Variants in LRIG1 observed in about 807,000 individuals in gnomAD.
LRIG1 encodes the protein leucine-rich repeats and immunoglobulin-like domains protein 1.
A neutral mutation model predicts 99.2 loss-of-function variants in LRIG1; 48 were observed. The observed-to-expected ratio is 0.48, with a 90% CI of 0.38 to 0.62. LRIG1 has a LOEUF of 0.62. LRIG1 is among the 20% of genes least tolerant of loss of function. LRIG1 has a pLI of 0.00. For missense variants in LRIG1, 1,646 were observed against 1,434.4 expected, an observed-to-expected ratio of 1.15 and a Z score of -2.38; for synonymous variants, 772 against 596.1, an observed-to-expected ratio of 1.29 and a Z score of -4.30.
chr3:66,421,362 G>C (rs1334325399), intron 3 of LRIG1, among the ~76,000 whole-genome samples: 1 of 152,190 alleles, frequency 6.6e-6, no homozygotes, highest in Admixed American at 6.5e-5. Context: ...TCAAAAGCAA[G>C]CTAGTTACTT....
At chr3:66,388,045 T>C (rs891340800) in intron 12 of LRIG1, 1 of 140,428 alleles carries the variant, frequency 7.1e-6, no homozygotes, top group African/African-American at 2.8e-5. Flanking sequence ...AGGCGGAGCT[T>C]GCAGTGAGCC....
intron 10 of LRIG1, 62 bp downstream of exon 10, chr3:66,398,908 G>C: frequency 7.2e-7 from 1 of 1,396,594 alleles, no homozygotes; most frequent in Non-Finnish European, 1.0e-6. Context: ...ATTGCTAGCA[G>C]AACTCCCCGG....
rs533121709 is a variant in LRIG1 at position 66,382,758 on chromosome 3, G to A, written c.2491+224C>T. 2.2e-3 allele frequency among the ~76,000 whole-genome samples: 337 copies of A among 152,316 alleles called. 3 individuals carry two copies. Among genetic ancestry groups the A allele is most frequent in the African/African-American group, 7.5e-3 (313 of 41,580 alleles). ...AAGGAGAGGGAAAACTGCATGGTGC[G>A]TCAGTTACTTGTATTTGTGAGTATT... On this transcript the variant is annotated intron_variant, in intron 15 of 18. Coordinates refer to ENST00000273261, the MANE Select transcript of LRIG1 (RefSeq NM_015541.3).
intron 1 of LRIG1, chr3:66,498,271 A>G (rs1378089507): frequency 1.3e-5 from 2 of 152,168 alleles, no homozygotes; most frequent in Non-Finnish European, 2.9e-5. Flanking sequence ...TGAGTAAAAG[A>G]GAAGGACTTC....
At chr3:66,444,583 G>A (rs759145643) in intron 3 of LRIG1, among the ~76,000 whole-genome samples, 2 of 152,222 alleles carry the variant, frequency 1.3e-5, no homozygotes, top group Non-Finnish European at 2.9e-5. Flanking sequence ...CACCTGGCCA[G>A]CAGCAGTGGC....
intron 9 of LRIG1, 25 bp downstream of exon 9, chr3:66,405,173 G>A (rs760384446): frequency 1.5e-5 from 24 of 1,608,876 alleles, no homozygotes; most frequent in East Asian, 2.2e-5. Context: ...ATTTGCCGGC[G>A]GAGCTCCGTG....
At chr3:66,453,675 A>ACT (rs1233416572) in intron 2 of LRIG1, among the ~76,000 whole-genome samples, 3 of 152,196 alleles carry the variant, frequency 2.0e-5, no homozygotes, top group African/African-American at 7.2e-5. Context: ...ATGCTACTAG[A>ACT]GAGGACATGG....
In LRIG1 at chr3:66,380,688, T is replaced by C; in HGVS notation, c.2944A>G (p.Arg982Gly). The change falls in exon 18 of 19, where the codon AGG becomes GGG. Residue 982 changes from arginine to glycine, a missense_variant. By Grantham distance (125) the Arg-to-Gly change is moderately radical (BLOSUM62 -2). Transcript: ENST00000273261. ...TCGGGGCAGGACCCAGCGGCAGTCC[T>C]GCTGCACTGGTGATGTGGAGAATGC... is the stretch of plus-strand genomic sequence containing the variant. ...QEHSPHHQCS[R>G]TAAGSCPECQ... The C allele has an allele frequency of 6.2e-7, 1 of 1,614,220 alleles. No homozygotes were observed. The highest frequency in any genetic ancestry group is 2.2e-5 in the East Asian group (1 of 44,882).
intron 9 of LRIG1, among the ~76,000 whole-genome samples, chr3:66,404,818 C>T (rs1224843960): frequency 6.6e-6 from 1 of 152,164 alleles, no homozygotes; most frequent in African/African-American, 2.4e-5. Flanking sequence ...GGAGCCCCAC[C>T]GCCCTCACAC....
chr3:66,441,326 TC>T (rs1327083502), intron 3 of LRIG1, among the ~76,000 whole-genome samples: 11 of 152,172 alleles, frequency 7.2e-5, no homozygotes, highest in Non-Finnish European at 1.5e-4. Flanking sequence ...AGTGATGTCT[TC>T]GGGGGCAGAT....
intron 11 of LRIG1, among the ~76,000 whole-genome samples, 159 bp downstream of exon 11, chr3:66,397,953 G>A (rs1010867253): frequency 2.6e-5 from 4 of 152,228 alleles, no homozygotes; most frequent in African/African-American, 9.6e-5. Flanking sequence ...CTGCTGCAAT[G>A]ATGCAATCAA....
intron 1 of LRIG1, among the ~76,000 whole-genome samples, chr3:66,496,657 G>T (rs1701234338): frequency 6.6e-6 from 1 of 152,116 alleles, no homozygotes; most frequent in Admixed American, 6.5e-5. Flanking sequence ...CAAATCGGAA[G>T]ACTTTTGTTT....
intron 11 of LRIG1, among the ~76,000 whole-genome samples, chr3:66,395,928 G>C (rs1701831288): frequency 6.6e-6 from 1 of 152,272 alleles, no homozygotes; most frequent in African/African-American, 2.4e-5. Context: ...CGAAAGCCTA[G>C]GAGAGAAGGC....
intron 2 of LRIG1, among the ~76,000 whole-genome samples, chr3:66,458,847 T>C (rs1700289262): frequency 6.6e-6 from 1 of 151,880 alleles, no homozygotes; most frequent in African/African-American, 2.4e-5. Context: ...TGAAATCTCA[T>C]CTCTATCTAA....
chr3:66,408,958 GT>G (rs1275884256), intron 7 of LRIG1, among the ~76,000 whole-genome samples: 66 of 125,814 alleles, frequency 5.2e-4, no homozygotes, highest in African/African-American at 9.5e-4. Context: ...GTGTGTGTGT[GT>G]GTGGTGGGGG....
chr3:66,430,523 C>T (rs1388961637), intron 3 of LRIG1, among the ~76,000 whole-genome samples: 1 of 152,214 alleles, frequency 6.6e-6, no homozygotes, highest in South Asian at 2.1e-4. Flanking sequence ...CCCATCCACA[C>T]GCCTCCCCTG....
chr3:66,383,095 A>G lies in LRIG1; in HGVS notation c.2378T>C (p.Val793Ala). 2 of 1,614,234 alleles carry G rather than the reference A, an allele frequency of 1.2e-6. No homozygotes were observed. Among genetic ancestry groups the G allele is most frequent in the Non-Finnish European group, 1.7e-6 (2 of 1,180,044 alleles). The change falls in exon 15 of 19, where the codon GTA becomes GCA. Residue 793 changes from valine (V) to alanine (A), a missense_variant. Physicochemically the swap from Val to Ala is moderately conservative, Grantham distance 64 (BLOSUM62 0). Coordinates refer to ENST00000273261, the MANE Select transcript of LRIG1 (RefSeq NM_015541.3). ...AAGCRKDGTT[V>A]GIFTIAVVSS... is the part of the protein sequence containing the mutation. ...CACGACAGCAATGGTGAAGATGCCTACCGTGGTCCCATCCTTCCTGCAGCC... is the reference window on the plus strand; with the variant it reads ...CACGACAGCAATGGTGAAGATGCCTGCCGTGGTCCCATCCTTCCTGCAGCC...
chr3:66,403,698 C>T (rs1173336127), intron 9 of LRIG1, among the ~76,000 whole-genome samples: 2 of 152,204 alleles, frequency 1.3e-5, no homozygotes, highest in Non-Finnish European at 1.5e-5. Flanking sequence ...GCACACCTCA[C>T]GGGCCTTCTG....
chr3:66,380,602 C>T lies in LRIG1; in HGVS notation c.3030G>A (p.Lys1010=). 1 of 1,614,090 alleles carries T rather than the reference C, an allele frequency of 6.2e-7. No individual in the cohort carries two copies. Among genetic ancestry groups the T allele is most frequent in the Non-Finnish European group, 8.5e-7 (1 of 1,179,968 alleles). ...CTTTCCCATCTAGAGATGCCATTGG[C>T]TTTTTCTTCACAGCCGTCAGCATTC... The part of the protein sequence containing the change: ...HDRMLTAVKK[K]PMASLDGKGD... The change falls in exon 18 of 19, where the codon AAG becomes AAA. Residue 1010 remains lysine, a synonymous_variant. Transcript: ENST00000273261.
Sources: gnomAD v4.1 joint callset for allele counts (sites outside exome capture counted in the v4.1 genomes callset) on GRCh38, gnomAD v4.1.1 for gene constraint, MANE v1.5 for transcripts, NCBI Gene and HGNC (gene_info 2026-07-23, HGNC 2026-07-21) for gene names.